The following NHS variants were observed in gnomAD, a reference collection of about 807,000 sequenced individuals.
NHS encodes actin remodeling regulator NHS.
Under a neutral mutation model 72.5 loss-of-function variants are expected in NHS, and 5 were observed. The observed-to-expected ratio is 0.07, with a 90% CI of 0.04 to 0.14. The LOEUF (loss-of-function observed/expected upper bound fraction) is 0.14, where lower values mean the gene tolerates loss of function less well. Among genes scored for constraint, NHS ranks in the 10% least tolerant of loss-of-function variants. The pLI, the probability that NHS is intolerant of heterozygous loss-of-function variation, is 1.00. For synonymous variants in NHS, 464 were observed against 547.7 expected (o/e 0.85, Z 2.13); for missense variants, 1,072 against 1,355.7 (o/e 0.79, Z 3.29).
chrX:17,702,324 G>A (rs181213519), intron 3 of NHS, among the ~76,000 whole-genome samples: 1 of 111,778 alleles, frequency 8.9e-6, no homozygotes, highest in African/African-American at 3.3e-5. Flanking sequence ...CAGTATTTTT[G>A]TTTCATTTTA....
intron 1 of NHS, among the ~76,000 whole-genome samples, chrX:17,598,918 C>A (rs1185206254): frequency 2.7e-5 from 3 of 111,283 alleles, no homozygotes; most frequent in African/African-American, 9.8e-5. Flanking sequence ...CATTTCACTC[C>A]CCACCCCAAG....
At position 17,444,793 on chromosome X, in the gene NHS, T is replaced by G. The variant is rs73458418; in HGVS notation, c.565+68471T>G. On this transcript the variant is annotated intron_variant, in intron 1 of 8. Coordinates refer to ENST00000676302, the MANE Select transcript of NHS (RefSeq NM_001291867.2). ...CCTTCCTGACTTCCCATTTGTCTAC[T>G]TCCTGAAGAGTTTCTTTGGCCCAAT... Among the ~76,000 whole-genome samples the G allele has an allele frequency of 3.4e-3, 384 of 111,501 alleles. 3 individuals carry two copies. Among genetic ancestry groups the G allele is most frequent in the African/African-American group, 0.012 (362 of 30,675 alleles).
intron 3 of NHS, among the ~76,000 whole-genome samples, chrX:17,696,645 G>A (rs2066232459): frequency 8.9e-6 from 1 of 111,824 alleles, no homozygotes; most frequent in South Asian, 3.7e-4. Flanking sequence ...AGTGCTGATG[G>A]CTGGAAAGTA....
chrX:17,632,251 G>A, intron 1 of NHS, among the ~76,000 whole-genome samples: 1 of 111,686 alleles, frequency 9.0e-6, no homozygotes, highest in Non-Finnish European at 1.9e-5. Flanking sequence ...GGCACTAAGA[G>A]ACTGAATGAG....
At chrX:17,450,355 A>G (rs1416069015) in intron 1 of NHS, among the ~76,000 whole-genome samples, 2 of 111,991 alleles carry the variant, frequency 1.8e-5, no homozygotes, top group Non-Finnish European at 3.8e-5. Context: ...GTTTATTGAT[A>G]GCTTACTCTG....
At chrX:17,418,772 G>C (rs986745257) in intron 1 of NHS, among the ~76,000 whole-genome samples, 3 of 111,339 alleles carry the variant, frequency 2.7e-5, no homozygotes, top group Non-Finnish European at 5.7e-5. Flanking sequence ...TGGAAGTGAA[G>C]GAAAGAGGAG....
At chrX:17,597,905 GTGCCCAGAA>G (rs758625452) in intron 1 of NHS, among the ~76,000 whole-genome samples, 1 of 111,439 alleles carries the variant, frequency 9.0e-6, no homozygotes, top group South Asian at 3.9e-4. Flanking sequence ...GCGAGAGAGG[GTGCCCAGAA>G]TGATCGCAGG....
At chrX:17,410,577 C>T (rs1231505539) in intron 1 of NHS, among the ~76,000 whole-genome samples, 1 of 103,548 alleles carries the variant, frequency 9.7e-6, no homozygotes, top group African/African-American at 3.6e-5. Flanking sequence ...AATCCGTGTC[C>T]CTCCTGACAC....
In NHS at chrX:17,618,772, C is replaced by T. The variant is rs193073027; in HGVS notation, c.566-68970C>T. Among the ~76,000 whole-genome samples, 463 of 112,169 alleles carry T rather than the reference C, an allele frequency of 4.1e-3. 4 individuals are homozygous for T. The highest frequency in any genetic ancestry group is 0.014 in the African/African-American group (435 of 30,921). On this transcript the variant is annotated intron_variant, in intron 1 of 8. Transcript: ENST00000676302. The stretch of plus-strand genomic sequence containing the variant: ...ATTTGTTTCTATCAATTAATAACTG[C>T]TTCTGATTGTCACCTGGAGGAGGAA...
intron 1 of NHS, among the ~76,000 whole-genome samples, chrX:17,394,389 T>C (rs2064461747): frequency 8.9e-6 from 1 of 112,117 alleles, no homozygotes; most frequent in Non-Finnish European, 1.9e-5. Flanking sequence ...ATAAGTGAGC[T>C]GATTTTTCCA....
intron 1 of NHS, chrX:17,635,664 G>C: frequency 1.9e-6 from 2 of 1,061,714 alleles, no homozygotes; most frequent in South Asian, 2.0e-5. Context: ...GTCTAACGAA[G>C]AGGGGCTTGT....
At position 17,568,647 on chromosome X, in the gene NHS, GTTATTA is replaced by G. The variant is rs35281549; in HGVS notation, c.566-119063_566-119058del. On this transcript the variant is annotated intron_variant, in intron 1 of 8. Coordinates refer to ENST00000676302, the MANE Select transcript of NHS (RefSeq NM_001291867.2). ...ATAGATCAGTATTCCAGGTTACTTA[GTTATTA>G]TTATTATTATTATTATTATTATTAT... 6.6e-3 allele frequency among the ~76,000 whole-genome samples: 605 copies of G among 92,115 alleles called. 9 individuals carry two copies. The highest frequency in any genetic ancestry group is 0.02 in the African/African-American group (499 of 25,560). The allele number at this position is 92,115 out of a possible 115,157, so 80.0% of individuals were successfully genotyped here. A position where few individuals can be genotyped will look rare whatever the true frequency, so the allele number is the denominator to read the frequency against.
chrX:17,394,002 C>A (rs2064459475), intron 1 of NHS, among the ~76,000 whole-genome samples: 1 of 111,502 alleles, frequency 9.0e-6, no homozygotes, highest in South Asian at 3.8e-4. Flanking sequence ...GTACGACATT[C>A]CGCCCCCCCA....
Position 17,375,841 on chromosome X carries a change from C to T in NHS, c.84C>T (p.Ser28=). Residue 28 remains serine (S), a synonymous_variant, in exon 1 of 9, where the codon AGC becomes AGT. Transcript: ENST00000676302. ...RPAPGPAVDA[S]GGSAEPPPPL... Reference sequence around the variant, plus strand: ...CGCCCGGCCCAGCAGTGGACGCGAGCGGAGGCAGCGCTGAGCCGCCGCCGC... The same window carrying T: ...CGCCCGGCCCAGCAGTGGACGCGAGTGGAGGCAGCGCTGAGCCGCCGCCGC... 1 of 1,144,860 alleles carries T rather than the reference C, an allele frequency of 8.7e-7. No individual in the cohort carries two copies. The highest frequency in any genetic ancestry group is 1.2e-6 in the Non-Finnish European group (1 of 868,307). 94.3% of individuals were successfully genotyped at this position (1,144,860 alleles called of 1,213,427 possible).
intron 1 of NHS, among the ~76,000 whole-genome samples, chrX:17,483,629 C>T (rs1294867526): frequency 9.0e-6 from 1 of 111,333 alleles, no homozygotes; most frequent in Non-Finnish European, 1.9e-5. Flanking sequence ...TGTCGGAGTT[C>T]TTATTCCCAT....
chrX:17,557,109 T>TTGTGTGTGTGTG (rs56659086), intron 1 of NHS: 33 of 87,664 alleles, frequency 3.8e-4, no homozygotes, highest in African/African-American at 1.3e-3. Context: ...AAGGGGGATT[T>TTGTGTGTGTGTG]TGTGTGTGTG....
chrX:17,541,358 CA>C (rs762392607), intron 1 of NHS, among the ~76,000 whole-genome samples: 2 of 111,918 alleles, frequency 1.8e-5, no homozygotes, highest in East Asian at 5.7e-4. Context: ...CTTTAGTGGA[CA>C]AATCTTTCCA....
At chrX:17,500,451 G>A (rs1400118916) in intron 1 of NHS, among the ~76,000 whole-genome samples, 2 of 111,804 alleles carry the variant, frequency 1.8e-5, no homozygotes, top group Non-Finnish European at 3.8e-5. Flanking sequence ...TCATTTGTTT[G>A]TCTTCTGAAG....
chrX:17,688,432 C>T (rs1316004766), intron 2 of NHS, among the ~76,000 whole-genome samples: 2 of 111,999 alleles, frequency 1.8e-5, no homozygotes, highest in African/African-American at 6.5e-5. Context: ...TGTGTGAGAC[C>T]TGGGACACAT....
Sources: allele counts gnomAD v4.1 joint callset (sites outside exome capture counted in the v4.1 genomes callset), GRCh38; gene constraint gnomAD v4.1.1; transcripts MANE v1.5; gene names NCBI Gene and HGNC (gene_info 2026-07-23, HGNC 2026-07-21).